Variants in SPAG16 observed in about 807,000 individuals in gnomAD.
SPAG16 encodes the protein sperm-associated antigen 16 protein.
A neutral mutation model predicts 80.4 loss-of-function variants in SPAG16; 86 were observed. The observed-to-expected ratio is 1.07, with a 90% CI of 0.90 to 1.28. SPAG16 has a LOEUF of 1.28. Among genes scored for constraint, SPAG16 ranks in the 50% most tolerant of loss-of-function variants. SPAG16 has a pLI of 0.00. For synonymous variants in SPAG16, 294 were observed against 265.9 expected (o/e 1.11, Z -1.03); for missense variants, 870 against 765.3 (o/e 1.14, Z -1.61).
intron 13 of SPAG16, among the ~76,000 whole-genome samples, chr2:214,084,578 A>G (rs2051598506): frequency 6.6e-6 from 1 of 152,176 alleles, no homozygotes; most frequent in Non-Finnish European, 1.5e-5. Flanking sequence ...CCAGTGTTTT[A>G]GGCTTCAGAT....
chr2:213,708,901 G>A (rs993290730), intron 10 of SPAG16, among the ~76,000 whole-genome samples: 14 of 152,154 alleles, frequency 9.2e-5, no homozygotes, highest in Admixed American at 7.2e-4. Flanking sequence ...TTACAACTGG[G>A]AAAGCAGAGT....
At chr2:213,476,320 G>A (rs1206391450) in intron 9 of SPAG16, among the ~76,000 whole-genome samples, 1 of 152,204 alleles carries the variant, frequency 6.6e-6, no homozygotes, top group African/African-American at 2.4e-5. Context: ...GCATGGCCTT[G>A]GCCAGATACC....
chr2:213,425,559 G>T (rs983584785), intron 9 of SPAG16, among the ~76,000 whole-genome samples: 1 of 151,766 alleles, frequency 6.6e-6, no homozygotes, highest in African/African-American at 2.4e-5. Context: ...GGCTGAGGCA[G>T]GGGAATTGCT....
At chr2:213,305,695 C>G (rs2062913380) in intron 3 of SPAG16, among the ~76,000 whole-genome samples, 1 of 152,112 alleles carries the variant, frequency 6.6e-6, no homozygotes, top group Non-Finnish European at 1.5e-5. Flanking sequence ...TCCTTGCATT[C>G]CAAGGATGAA....
At chr2:213,607,257 C>T (rs2125001776) in intron 10 of SPAG16, among the ~76,000 whole-genome samples, 1 of 152,232 alleles carries the variant, frequency 6.6e-6, no homozygotes, top group East Asian at 1.9e-4. Context: ...TGAATACATA[C>T]TGTAGTAAAA....
At chr2:213,534,714 G>C (rs1317865488) in intron 10 of SPAG16, among the ~76,000 whole-genome samples, 1 of 152,054 alleles carries the variant, frequency 6.6e-6, no homozygotes, top group Non-Finnish European at 1.5e-5. Context: ...CAGGAGAATA[G>C]TTGCCTCCAT....
chr2:214,064,237 A>G (rs1342421924), intron 13 of SPAG16, among the ~76,000 whole-genome samples: 2 of 152,118 alleles, frequency 1.3e-5, no homozygotes, highest in African/African-American at 4.8e-5. Context: ...CTGTCTAGAG[A>G]GTAGAAATCT....
At chr2:214,225,530 C>A (rs1021987952) in intron 15 of SPAG16, among the ~76,000 whole-genome samples, 1 of 152,088 alleles carries the variant, frequency 6.6e-6, no homozygotes, top group African/African-American at 2.4e-5. Context: ...AAGTTACTAT[C>A]TACTTAATAT....
chr2:213,545,787 G>A (rs1186234762), intron 10 of SPAG16, among the ~76,000 whole-genome samples: 1 of 152,010 alleles, frequency 6.6e-6, no homozygotes, highest in African/African-American at 2.4e-5. Context: ...TTACGCTTGG[G>A]AGGGGTTTGT....
chr2:213,382,209 T>C (rs879570665), intron 9 of SPAG16, among the ~76,000 whole-genome samples: 6 of 152,216 alleles, frequency 3.9e-5, no homozygotes, highest in Admixed American at 3.3e-4. Flanking sequence ...TCTAGCACAA[T>C]TTAAATTATA....
At chr2:213,534,014 T>C (rs2125893333) in intron 10 of SPAG16, among the ~76,000 whole-genome samples, 1 of 152,232 alleles carries the variant, frequency 6.6e-6, no homozygotes, top group East Asian at 1.9e-4. Context: ...ATTTTTATTT[T>C]TGATATTCTG....
intron 9 of SPAG16, among the ~76,000 whole-genome samples, chr2:213,469,727 G>A (rs2072965959): frequency 6.6e-6 from 1 of 151,958 alleles, no homozygotes; most frequent in Non-Finnish European, 1.5e-5. Context: ...TGCCCTAATG[G>A]ATCTCCTATA....
At chr2:214,393,631 C>T (rs1394773803) in intron 15 of SPAG16, among the ~76,000 whole-genome samples, 1 of 151,794 alleles carries the variant, frequency 6.6e-6, no homozygotes, top group Non-Finnish European at 1.5e-5. Flanking sequence ...GTCATCTGTG[C>T]AAAATTAAAC....
At chr2:213,317,176 C>A in intron 4 of SPAG16, 43 bp from the exon 5 acceptor site, 1 of 1,318,952 alleles carries the variant, frequency 7.6e-7, no homozygotes, top group Non-Finnish European at 1.0e-6. Flanking sequence ...GCCAATTTGG[C>A]AGAAAGAAAT....
chr2:213,902,766 C>G (rs2077272085), intron 11 of SPAG16, among the ~76,000 whole-genome samples: 1 of 152,134 alleles, frequency 6.6e-6, no homozygotes, highest in African/African-American at 2.4e-5. Flanking sequence ...GTCCACAGTC[C>G]AAAGTCTCAT....
chr2:214,021,937 GAC>G (rs1237875393), intron 13 of SPAG16, among the ~76,000 whole-genome samples: 1 of 151,968 alleles, frequency 6.6e-6, no homozygotes, highest in Non-Finnish European at 1.5e-5. Context: ...TCATCTGCCT[GAC>G]ACACCTTTTC....
At chr2:214,405,533 T>C (rs1056020398) in intron 15 of SPAG16, among the ~76,000 whole-genome samples, 1 of 152,168 alleles carries the variant, frequency 6.6e-6, no homozygotes, top group South Asian at 2.1e-4. Flanking sequence ...CAGTGGCTCA[T>C]GCCTGTAATC....
At chr2:214,031,858 C>G (rs1204231146) in intron 13 of SPAG16, among the ~76,000 whole-genome samples, 1 of 151,994 alleles carries the variant, frequency 6.6e-6, no homozygotes, top group South Asian at 2.1e-4. Flanking sequence ...TTTTAAACAA[C>G]CAGATCTCAT....
intron 13 of SPAG16, among the ~76,000 whole-genome samples, chr2:214,070,753 A>G (rs1404594412): frequency 6.6e-6 from 1 of 152,086 alleles, no homozygotes; most frequent in African/African-American, 2.4e-5. Flanking sequence ...CTTTCTTAGA[A>G]TAAATCCTAC....
Sources: allele counts gnomAD v4.1 joint callset (sites outside exome capture counted in the v4.1 genomes callset), GRCh38; gene constraint gnomAD v4.1.1; transcripts MANE v1.5; gene names NCBI Gene and HGNC (gene_info 2026-07-23, HGNC 2026-07-21).